PTPRD: variants seen among roughly 807,000 people sequenced by gnomAD.
PTPRD encodes the protein protein tyrosine phosphatase receptor type D, also known as receptor-type tyrosine-protein phosphatase delta.
PTPRD carries 34 observed loss-of-function variants against 214.5 expected under a neutral mutation model. That is an observed-to-expected ratio of 0.16 (90% CI 0.12 to 0.21). The LOEUF (loss-of-function observed/expected upper bound fraction) is 0.21, where lower values mean the gene tolerates loss of function less well. Among genes scored for constraint, PTPRD ranks in the 10% least tolerant of loss-of-function variants. The pLI is 1.00. For missense variants in PTPRD, 2,545 were observed against 2,398.7 expected (o/e 1.06, Z -1.27); for synonymous variants, 1,128 against 845.7 (o/e 1.33, Z -5.79).
chr9:10,110,488 T>C (rs775558818), intron 3 of PTPRD, among the ~76,000 whole-genome samples: 19 of 151,858 alleles, frequency 1.3e-4, no homozygotes, highest in Non-Finnish European at 2.5e-4. Flanking sequence ...CAAACACTAA[T>C]AAATGAAAAA....
intron 2 of PTPRD, among the ~76,000 whole-genome samples, chr9:10,413,689 C>A (rs932729274): frequency 6.6e-6 from 1 of 151,934 alleles, no homozygotes; most frequent in Non-Finnish European, 1.5e-5. Context: ...GGAGGCATCA[C>A]ATTACCTGAC....
intron 15 of PTPRD, 111 bp downstream of exon 15, chr9:8,528,480 G>T (rs1283776184): frequency 2.0e-6 from 2 of 985,954 alleles, no homozygotes; most frequent in Admixed American, 2.2e-5. Flanking sequence ...AGAAGAGGGA[G>T]AAAAATCAGT....
At chr9:9,951,919 A>T (rs1236965413) in intron 4 of PTPRD, among the ~76,000 whole-genome samples, 1 of 152,226 alleles carries the variant, frequency 6.6e-6, no homozygotes, top group African/African-American at 2.4e-5. Context: ...CATGATCTTA[A>T]TTGAGTACTT....
intron 3 of PTPRD, among the ~76,000 whole-genome samples, chr9:10,182,388 C>A (rs991147159): frequency 3.3e-5 from 5 of 151,464 alleles, no homozygotes; most frequent in African/African-American, 7.3e-5. Context: ...AGAGAATATA[C>A]TTGGAATGTC....
chr9:8,591,738 G>A (rs2094123266), intron 14 of PTPRD, among the ~76,000 whole-genome samples: 1 of 152,120 alleles, frequency 6.6e-6, no homozygotes, highest in Non-Finnish European at 1.5e-5. Context: ...AACCAAACTA[G>A]AAATAGCAAT....
Position 10,231,474 on chromosome 9 carries a change from T to C in PTPRD, c.-545+109489A>G, listed in dbSNP as rs556830718. ...CACTCTGGTGGTAAATTTATGGAAATTATTGTATAGTCTCTGCTGATTAAT... is the reference window on the plus strand; with the variant it reads ...CACTCTGGTGGTAAATTTATGGAAACTATTGTATAGTCTCTGCTGATTAAT... On this transcript the variant is annotated intron_variant, in intron 3 of 45. Transcript: ENST00000381196. Among the ~76,000 whole-genome samples, 113 of 152,026 alleles carry C rather than the reference T, an allele frequency of 7.4e-4. 1 individual carries two copies. The highest frequency in any genetic ancestry group is 2.5e-3 in the African/African-American group (104 of 41,494).
intron 3 of PTPRD, among the ~76,000 whole-genome samples, chr9:10,310,313 G>C (rs1435616160): frequency 6.6e-6 from 1 of 151,968 alleles, no homozygotes; most frequent in East Asian, 1.9e-4. Context: ...GAAATATCAA[G>C]GCAAAATATA....
chr9:9,710,352 A>G (rs1248534905), intron 7 of PTPRD, among the ~76,000 whole-genome samples: 1 of 152,142 alleles, frequency 6.6e-6, no homozygotes, highest in Admixed American at 6.5e-5. Flanking sequence ...CCACATATCA[A>G]GAGGTACTTG....
In PTPRD at chr9:9,286,873, AATATATATAT is replaced by A. The variant is rs34631864; in HGVS notation, c.-202-103520_-202-103511del. On this transcript the variant is annotated intron_variant, in intron 9 of 45. Coordinates refer to ENST00000381196, the MANE Select transcript of PTPRD (RefSeq NM_002839.4). ...GCTCAAGGCAGTCTTGAAACTACTGAATATATATATATATATATATATATATATATATATA... is the reference window on the plus strand; with the variant it reads ...GCTCAAGGCAGTCTTGAAACTACTGAATATATATATATATATATATATATA... Among the ~76,000 whole-genome samples, 126 of 77,004 alleles carry A rather than the reference AATATATATAT, an allele frequency of 1.6e-3. 2 individuals carry two copies. Among genetic ancestry groups the A allele is most frequent in the Non-Finnish European group, 2.5e-3 (90 of 35,938 alleles). 50.5% of individuals were successfully genotyped at this position (77,004 alleles called of 152,430 possible).
intron 8 of PTPRD, among the ~76,000 whole-genome samples, chr9:9,484,634 A>T (rs1360071888): frequency 6.6e-6 from 1 of 152,138 alleles, no homozygotes; most frequent in African/African-American, 2.4e-5. Flanking sequence ...TATTTCATTT[A>T]ATCCTTGCAA....
At chr9:9,878,908 C>T (rs2067728468) in intron 5 of PTPRD, among the ~76,000 whole-genome samples, 1 of 152,056 alleles carries the variant, frequency 6.6e-6, no homozygotes, top group African/African-American at 2.4e-5. Context: ...TATTGATGTC[C>T]TTATCAGTCT....
chr9:10,330,503 A>G (rs2096729361), intron 3 of PTPRD, among the ~76,000 whole-genome samples: 1 of 151,782 alleles, frequency 6.6e-6, no homozygotes, highest in Non-Finnish European at 1.5e-5. Context: ...GGTTTCTAAA[A>G]CTTCAAAAGC....
At position 8,518,374 on chromosome 9, in the gene PTPRD, G is replaced by A. The variant is rs765134169; in HGVS notation, c.1017C>T (p.Ile339=). The A allele has an allele frequency of 3.7e-6, 6 of 1,614,014 alleles. No homozygotes were observed. In the South Asian group the frequency reaches 6.6e-5, roughly 18 times the overall value. The stretch of plus-strand genomic sequence containing the variant: ...GGTTCCCAGAGTCCCACGTCAGTGT[G>A]ATGCTTGTAGCTGTGCTCTCGGTCA... ...PVVTESTATS[I]TLTWDSGNPE... Residue 339 remains isoleucine, a synonymous_variant, in exon 21 of 46, where the codon ATC becomes ATT. Coordinates refer to ENST00000381196, the MANE Select transcript of PTPRD (RefSeq NM_002839.4).
At chr9:10,480,408 T>G (rs2099090104) in intron 2 of PTPRD, among the ~76,000 whole-genome samples, 3 of 152,076 alleles carry the variant, frequency 2.0e-5, no homozygotes, top group Non-Finnish European at 2.9e-5. Flanking sequence ...GGGAAGAAAG[T>G]AAGTATTATA....
chr9:10,064,206 C>T (rs1031287154), intron 3 of PTPRD, among the ~76,000 whole-genome samples: 5 of 151,764 alleles, frequency 3.3e-5, no homozygotes, highest in Non-Finnish European at 5.9e-5. Context: ...CTCAAGTTAG[C>T]TTTTATTTAA....
At chr9:10,150,334 A>T (rs1212056047) in intron 3 of PTPRD, among the ~76,000 whole-genome samples, 2 of 152,162 alleles carry the variant, frequency 1.3e-5, no homozygotes, top group Non-Finnish European at 1.5e-5. Context: ...TGCAGCCATA[A>T]AAAAGGATGA....
At chr9:9,529,090 G>T (rs566245933) in intron 8 of PTPRD, among the ~76,000 whole-genome samples, 2 of 151,482 alleles carry the variant, frequency 1.3e-5, no homozygotes, top group African/African-American at 4.9e-5. Flanking sequence ...ATGCCACCAC[G>T]CCTAGCTAAT....
intron 8 of PTPRD, among the ~76,000 whole-genome samples, chr9:9,540,513 A>G (rs1451399724): frequency 6.6e-6 from 1 of 151,818 alleles, no homozygotes. Context: ...TACCTAGCAC[A>G]GGTTGAAACA....
chr9:9,243,302 C>T (rs1046951597), intron 9 of PTPRD, among the ~76,000 whole-genome samples: 5 of 152,126 alleles, frequency 3.3e-5, no homozygotes, highest in African/African-American at 1.2e-4. Context: ...AGGTCAGCAT[C>T]ATCCCGATAC....
Sources: allele counts gnomAD v4.1 joint callset (sites outside exome capture counted in the v4.1 genomes callset), GRCh38; gene constraint gnomAD v4.1.1; transcripts MANE v1.5; gene names NCBI Gene and HGNC (gene_info 2026-07-23, HGNC 2026-07-21).